CAP2: variants seen among roughly 807,000 people sequenced by gnomAD.
CAP2 encodes adenylyl cyclase-associated protein 2.
In CAP2, 24 loss-of-function variants were observed where a neutral mutation model predicts 57.7. The ratio of observed to expected loss-of-function variants is 0.42; its 90% CI spans 0.30 to 0.58. The LOEUF is 0.58. Ranked by LOEUF, CAP2 falls within the 20% of genes least tolerant of loss-of-function variation. The pLI is 0.22. For missense variants in CAP2, 501 were observed against 590.3 expected, an observed-to-expected ratio of 0.85 and a Z score of 1.57; for synonymous variants, 194 against 207.2, an observed-to-expected ratio of 0.94 and a Z score of 0.55.
chr6:17,483,223 T>C (rs1761337439), intron 4 of CAP2, among the ~76,000 whole-genome samples: 1 of 152,266 alleles, frequency 6.6e-6, no homozygotes, highest in East Asian at 1.9e-4. Flanking sequence ...TCTTGTTTTC[T>C]TATTTTCTAA....
chr6:17,397,335 C>A (rs1386082481), intron 1 of CAP2, among the ~76,000 whole-genome samples: 1 of 150,454 alleles, frequency 6.6e-6, no homozygotes, highest in Non-Finnish European at 1.5e-5. Flanking sequence ...ACTGGGATTA[C>A]AGGCCTGAGC....
intron 7 of CAP2, among the ~76,000 whole-genome samples, chr6:17,515,458 G>A (rs900042537): frequency 1.3e-5 from 2 of 152,110 alleles, no homozygotes; most frequent in Non-Finnish European, 2.9e-5. Context: ...GACTGCTAGA[G>A]ATAGGATGGA....
chr6:17,421,884 A>G (rs1261155254), intron 2 of CAP2, among the ~76,000 whole-genome samples: 1 of 152,242 alleles, frequency 6.6e-6, no homozygotes, highest in Non-Finnish European at 1.5e-5. Flanking sequence ...AACAATTATC[A>G]GTATCTGTGC....
chr6:17,468,107 A>T (rs1760918696), intron 4 of CAP2, among the ~76,000 whole-genome samples: 1 of 152,058 alleles, frequency 6.6e-6, no homozygotes, highest in Non-Finnish European at 1.5e-5. Context: ...TAACATAACA[A>T]TCTCCAGTTC....
At chr6:17,430,543 T>TG (rs1001437159) in intron 3 of CAP2, among the ~76,000 whole-genome samples, 30 of 151,390 alleles carry the variant, frequency 2.0e-4, no homozygotes, top group Non-Finnish European at 4.1e-4. Context: ...ACTTTGGGTT[T>TG]TTTTTTTTTT....
chr6:17,467,431 A>G (rs1760893954), intron 4 of CAP2, among the ~76,000 whole-genome samples: 1 of 152,220 alleles, frequency 6.6e-6, no homozygotes, highest in African/African-American at 2.4e-5. Context: ...CGATACAGGC[A>G]TGCTATACAT....
rs191002583 is a variant in CAP2 at position 17,550,207 on chromosome 6, T to C, written c.1210-1257T>C. On this transcript the variant is annotated intron_variant, in intron 11 of 12. Coordinates refer to ENST00000229922, the MANE Select transcript of CAP2 (RefSeq NM_006366.3). ...GTTGCAGTGAGCTGAGATGGCGCCA[T>C]TGCACTCTAGCCTGAGTGACAGAGC... is the stretch of plus-strand genomic sequence containing the variant. 3.2e-3 allele frequency among the ~76,000 whole-genome samples: 488 copies of C among 151,906 alleles called. 3 individuals are homozygous for C. The highest frequency in any genetic ancestry group is 0.011 in the African/African-American group (457 of 41,412).
chr6:17,540,680 G>A (rs537204417), intron 8 of CAP2, among the ~76,000 whole-genome samples: 85 of 152,218 alleles, frequency 5.6e-4, no homozygotes, highest in Non-Finnish European at 1.0e-3. Context: ...CTTGAACCCA[G>A]GAGGCAGAGG....
rs181235912 is a variant in CAP2, at chr6:17,455,680, C to T, written c.223-7316C>T. Reference sequence around the variant, plus strand: ...CCTCCCAAGCAGCTGGGACTACAGGCGCCCACCACCATGCCCGGCTAATTT... The same window carrying T: ...CCTCCCAAGCAGCTGGGACTACAGGTGCCCACCACCATGCCCGGCTAATTT... On this transcript the variant is annotated intron_variant, in intron 3 of 12. Transcript: ENST00000229922. Among the ~76,000 whole-genome samples the T allele has an allele frequency of 2.5e-3, 379 of 152,156 alleles. 3 individuals are homozygous for T. The highest frequency in any genetic ancestry group is 8.7e-3 in the African/African-American group (361 of 41,522).
chr6:17,484,589 G>A (rs1761376524), intron 4 of CAP2, among the ~76,000 whole-genome samples: 1 of 152,112 alleles, frequency 6.6e-6, no homozygotes, highest in Admixed American at 6.5e-5. Context: ...TTCCTGGGTG[G>A]TTTACAAATT....
At chr6:17,426,956 C>T (rs902602534) in intron 3 of CAP2, among the ~76,000 whole-genome samples, 6 of 152,150 alleles carry the variant, frequency 3.9e-5, no homozygotes, top group Non-Finnish European at 7.3e-5. Context: ...ACAGAACTTC[C>T]ACTTTAGTCT....
intron 3 of CAP2, among the ~76,000 whole-genome samples, chr6:17,461,917 T>TG (rs1347646254): frequency 2.3e-5 from 3 of 133,292 alleles, no homozygotes; most frequent in Non-Finnish European, 4.7e-5. Flanking sequence ...GGCATGAACC[T>TG]GGGGGGCGGA....
At position 17,492,131 on chromosome 6, in the gene CAP2, C is replaced by T. The variant is rs138160707; in HGVS notation, c.301-15038C>T. Among the ~76,000 whole-genome samples the T allele has an allele frequency of 1.1e-4, 16 of 152,264 alleles. No individual in the cohort carries two copies. In the East Asian group the frequency reaches 2.3e-3, roughly 22 times the overall value. ...TTCTGTACTTTGCAGTACCCATGTG[C>T]GATGCTGGAAAGGTACATCTTAGAA... On this transcript the variant is annotated intron_variant, in intron 4 of 12. Coordinates refer to ENST00000229922, the MANE Select transcript of CAP2 (RefSeq NM_006366.3).
At chr6:17,426,802 G>A (rs1759603277) in intron 3 of CAP2, 112 bp downstream of exon 3, 3 of 731,894 alleles carry the variant, frequency 4.1e-6, no homozygotes, top group Non-Finnish European at 7.2e-6. Context: ...TTTTTACTCT[G>A]GCTAGGCAGA....
chr6:17,445,390 A>C (rs1263845706), intron 3 of CAP2, among the ~76,000 whole-genome samples: 7 of 152,222 alleles, frequency 4.6e-5, no homozygotes, highest in African/African-American at 1.7e-4. Context: ...TGTAGGCGTG[A>C]GCCACCACGC....
At chr6:17,426,509 A>T in intron 2 of CAP2, 81 bp from the exon 3 acceptor site, 1 of 967,782 alleles carries the variant, frequency 1.0e-6, no homozygotes, top group Non-Finnish European at 1.7e-6. Flanking sequence ...TGCTAGGATT[A>T]CAGGTGTGAG....
At chr6:17,440,403 GC>G (rs1332331806) in intron 3 of CAP2, among the ~76,000 whole-genome samples, 1 of 151,486 alleles carries the variant, frequency 6.6e-6, no homozygotes, top group African/African-American at 2.4e-5. Context: ...GTTTATTGGA[GC>G]TTTTCAGTTG....
chr6:17,423,663 A>G (rs1180327662), intron 2 of CAP2, among the ~76,000 whole-genome samples: 1 of 152,216 alleles, frequency 6.6e-6, no homozygotes, highest in Non-Finnish European at 1.5e-5. Context: ...CACTTACTCA[A>G]AGAGGTACTA....
chr6:17,442,340 C>T (rs1456827465), intron 3 of CAP2, among the ~76,000 whole-genome samples: 1 of 152,180 alleles, frequency 6.6e-6, no homozygotes, highest in Non-Finnish European at 1.5e-5. Context: ...TGTTCGCCGC[C>T]AGGAAACCTG....
Sources: gnomAD v4.1 joint callset for allele counts (sites outside exome capture counted in the v4.1 genomes callset) on GRCh38, gnomAD v4.1.1 for gene constraint, MANE v1.5 for transcripts, NCBI Gene and HGNC (gene_info 2026-07-23, HGNC 2026-07-21) for gene names.